GRIA2: variants seen among roughly 807,000 people sequenced by gnomAD.
GRIA2 encodes glutamate ionotropic receptor AMPA type subunit 2.
Under a neutral mutation model 97.3 loss-of-function variants are expected in GRIA2, and 14 were observed. The ratio of observed to expected loss-of-function variants is 0.14; its 90% CI spans 0.10 to 0.23. GRIA2 has a LOEUF of 0.23. Ranked by LOEUF, GRIA2 falls within the 10% of genes least tolerant of loss-of-function variation. GRIA2 has a pLI of 1.00. For synonymous variants in GRIA2, 412 were observed against 387.8 expected, an observed-to-expected ratio of 1.06 and a Z score of -0.73; for missense variants, 558 against 1,069.8, an observed-to-expected ratio of 0.52 and a Z score of 6.67.
intron 2 of GRIA2, among the ~76,000 whole-genome samples, chr4:157,231,319 G>A (rs1203554136): frequency 4.6e-5 from 7 of 152,082 alleles, no homozygotes; most frequent in Non-Finnish European, 5.9e-5. Context: ...GATTACAGAC[G>A]TGAGCCACCA....
chr4:157,251,473 A>G (rs2126742541), intron 2 of GRIA2, among the ~76,000 whole-genome samples: 1 of 152,190 alleles, frequency 6.6e-6, no homozygotes, highest in East Asian at 1.9e-4. Context: ...TTAGAGAATA[A>G]AAGTTTTTCA....
chr4:157,265,407 G>T (rs1361623815), intron 2 of GRIA2, among the ~76,000 whole-genome samples: 1 of 152,124 alleles, frequency 6.6e-6, no homozygotes. Context: ...TGTAAATTCA[G>T]CTGGGCTTCA....
At chr4:157,342,402 G>A in intron 12 of GRIA2, 1 of 984,146 alleles carries the variant, frequency 1.0e-6, no homozygotes, top group Non-Finnish European at 1.2e-6. Context: ...AGTGGGGGTG[G>A]TAGAACCATG....
At chr4:157,359,336 T>A (rs1233143966) in intron 12 of GRIA2, among the ~76,000 whole-genome samples, 3 of 152,204 alleles carry the variant, frequency 2.0e-5, no homozygotes, top group Admixed American at 2.0e-4. Context: ...AAAAGAAAAC[T>A]TCAATGGCCA....
chr4:157,294,458 AAGAG>A (rs757681121), intron 2 of GRIA2, among the ~76,000 whole-genome samples: 1 of 151,936 alleles, frequency 6.6e-6, no homozygotes, highest in Non-Finnish European at 1.5e-5. Flanking sequence ...GAGAAAAAAA[AAGAG>A]AGAGAGAGAA....
At chr4:157,278,665 G>C (rs1486728729) in intron 2 of GRIA2, among the ~76,000 whole-genome samples, 2 of 151,918 alleles carry the variant, frequency 1.3e-5, no homozygotes, top group African/African-American at 2.4e-5. Flanking sequence ...ATGCAGTCAG[G>C]AGAATGAGAG....
At chr4:157,322,990 T>C (rs557446155) in intron 6 of GRIA2, among the ~76,000 whole-genome samples, 2 of 152,282 alleles carry the variant, frequency 1.3e-5, no homozygotes, top group East Asian at 3.9e-4. Context: ...GAACACCAAG[T>C]AACTTTTTTT....
chr4:157,302,858 G>A (rs980859997), intron 2 of GRIA2, among the ~76,000 whole-genome samples: 4 of 152,124 alleles, frequency 2.6e-5, no homozygotes, highest in African/African-American at 4.8e-5. Flanking sequence ...GGGATTGTGG[G>A]AGTGATGAGG....
chr4:157,248,893 A>G (rs1218941444), intron 2 of GRIA2, among the ~76,000 whole-genome samples: 1 of 150,970 alleles, frequency 6.6e-6, no homozygotes, highest in Non-Finnish European at 1.5e-5. Flanking sequence ...ACTGGAGTGC[A>G]GTGGGATGAT....
chr4:157,329,615 G>A (rs1209760793), intron 6 of GRIA2, among the ~76,000 whole-genome samples: 2 of 151,886 alleles, frequency 1.3e-5, no homozygotes, highest in Non-Finnish European at 2.9e-5. Flanking sequence ...TGTGGAGTGA[G>A]ATGGTGGTTT....
chr4:157,232,201 T>C (rs959397287), intron 2 of GRIA2, among the ~76,000 whole-genome samples: 1 of 152,184 alleles, frequency 6.6e-6, no homozygotes, highest in Non-Finnish European at 1.5e-5. Context: ...ATTCCATATA[T>C]TTAAGGGGCT....
At chr4:157,298,056 A>T (rs929477154) in intron 2 of GRIA2, among the ~76,000 whole-genome samples, 1 of 152,054 alleles carries the variant, frequency 6.6e-6, no homozygotes, top group Admixed American at 6.6e-5. Flanking sequence ...AAGAAAAAGA[A>T]AAAAAATTGG....
intron 5 of GRIA2, among the ~76,000 whole-genome samples, chr4:157,320,296 T>C (rs1409091481): frequency 6.6e-6 from 1 of 152,082 alleles, no homozygotes; most frequent in African/African-American, 2.4e-5. Context: ...GGTTTTGTCA[T>C]GTAAGCAAAT....
intron 4 of GRIA2, among the ~76,000 whole-genome samples, chr4:157,317,410 A>G (rs1734370058): frequency 6.6e-6 from 1 of 152,156 alleles, no homozygotes; most frequent in African/African-American, 2.4e-5. Context: ...AAATGAGGTA[A>G]TAATTTTTGT....
At chr4:157,348,174 T>G (rs1735844965) in intron 12 of GRIA2, among the ~76,000 whole-genome samples, 1 of 152,046 alleles carries the variant, frequency 6.6e-6, no homozygotes, top group African/African-American at 2.4e-5. Flanking sequence ...TAGCAGACAA[T>G]TTTGCTCTGA....
At chr4:157,265,942 G>A (rs1169949741) in intron 2 of GRIA2, among the ~76,000 whole-genome samples, 1 of 152,114 alleles carries the variant, frequency 6.6e-6, no homozygotes, top group East Asian at 1.9e-4. Flanking sequence ...GACTAGAAAG[G>A]TAGGTAGGGA....
At chr4:157,362,333 A>C (rs988014896) in intron 14 of GRIA2, 2 of 455,184 alleles carry the variant, frequency 4.4e-6, no homozygotes, top group Non-Finnish European at 8.8e-6. Context: ...TCAGTCCTCC[A>C]TTTATGACTC....
chr4:157,283,651 A>G (rs1350023299), intron 2 of GRIA2, among the ~76,000 whole-genome samples: 3 of 151,890 alleles, frequency 2.0e-5, no homozygotes, highest in African/African-American at 7.2e-5. Flanking sequence ...CTTTAATTCT[A>G]TTTATCATAT....
chr4:157,270,441 G>C (rs1731965363), intron 2 of GRIA2, among the ~76,000 whole-genome samples: 1 of 152,106 alleles, frequency 6.6e-6, no homozygotes, highest in Non-Finnish European at 1.5e-5. Flanking sequence ...AAATGTGTCA[G>C]AGGTTGAGTC....
Sources: gnomAD v4.1 joint callset for allele counts (sites outside exome capture counted in the v4.1 genomes callset) on GRCh38, gnomAD v4.1.1 for gene constraint, MANE v1.5 for transcripts, NCBI Gene and HGNC (gene_info 2026-07-23, HGNC 2026-07-21) for gene names.